OSBPL8: variants seen among roughly 807,000 people sequenced by gnomAD.
OSBPL8 encodes oxysterol binding protein like 8.
In OSBPL8, 59 loss-of-function variants were observed where a neutral mutation model predicts 125.5. The ratio of observed to expected loss-of-function variants is 0.47; its 90% CI spans 0.38 to 0.58. The LOEUF is 0.58. Among genes scored for constraint, OSBPL8 ranks in the 20% least tolerant of loss-of-function variants. The pLI is 0.00. For missense variants in OSBPL8, 758 were observed against 1,047.8 expected, an observed-to-expected ratio of 0.72 and a Z score of 3.82; for synonymous variants, 330 against 338.9, an observed-to-expected ratio of 0.97 and a Z score of 0.29.
intron 6 of OSBPL8, among the ~76,000 whole-genome samples, chr12:76,400,791 CCT>C (rs1491585077): frequency 6.7e-6 from 1 of 149,108 alleles, no homozygotes; most frequent in East Asian, 2.0e-4. Context: ...AATAATTTTA[CCT>C]TTTTTTTTTT....
At chr12:76,395,034 T>C (rs1176134617) in intron 8 of OSBPL8, among the ~76,000 whole-genome samples, 2 of 152,150 alleles carry the variant, frequency 1.3e-5, no homozygotes, top group Admixed American at 6.5e-5. Context: ...TTTAACAATG[T>C]CCATCCCATG....
chr12:76,427,743 T>C (rs927409610), intron 4 of OSBPL8, among the ~76,000 whole-genome samples: 6 of 152,064 alleles, frequency 3.9e-5, no homozygotes, highest in East Asian at 3.8e-4. Flanking sequence ...CATTGCAAGA[T>C]CATCATGATA....
chr12:76,557,820 CA>C (rs1174705506), intron 1 of OSBPL8, among the ~76,000 whole-genome samples: 1 of 152,044 alleles, frequency 6.6e-6, no homozygotes, highest in Non-Finnish European at 1.5e-5. Flanking sequence ...TTATAAAAAA[CA>C]TATTTGACTG....
chr12:76,479,733 T>C (rs538455152), intron 2 of OSBPL8, among the ~76,000 whole-genome samples: 2 of 152,188 alleles, frequency 1.3e-5, no homozygotes, highest in Non-Finnish European at 2.9e-5. Flanking sequence ...AAATTCATAT[T>C]GTAGAAAACT....
At chr12:76,511,087 A>G (rs554545704) in intron 1 of OSBPL8, among the ~76,000 whole-genome samples, 51 of 152,326 alleles carry the variant, frequency 3.3e-4, no homozygotes, top group African/African-American at 1.2e-3. Context: ...ACCAGTACAT[A>G]GGGATATTAA....
At chr12:76,426,854 A>C (rs1870209946) in intron 4 of OSBPL8, among the ~76,000 whole-genome samples, 1 of 152,166 alleles carries the variant, frequency 6.6e-6, no homozygotes, top group African/African-American at 2.4e-5. Flanking sequence ...GAAAAACAAA[A>C]TATTACTAAA....
intron 10 of OSBPL8, 101 bp from the exon 11 acceptor site, chr12:76,390,758 G>C (rs547724012): frequency 3.3e-5 from 24 of 729,340 alleles, no homozygotes; most frequent in Middle Eastern, 3.9e-4. Flanking sequence ...TTTACTATGT[G>C]CCAGACAGTG....
chr12:76,393,536 C>T (rs1031863048), intron 9 of OSBPL8, among the ~76,000 whole-genome samples: 16 of 142,060 alleles, frequency 1.1e-4, no homozygotes, highest in African/African-American at 4.2e-4. Context: ...CAGTGAAACC[C>T]TGTCTCTACT....
At chr12:76,372,513 C>T (rs1217629153) in intron 18 of OSBPL8, among the ~76,000 whole-genome samples, 2 of 151,924 alleles carry the variant, frequency 1.3e-5, no homozygotes, top group Non-Finnish European at 2.9e-5. Flanking sequence ...AAAATGACTG[C>T]TGCTTTATCT....
chr12:76,368,386 C>T (rs1301347716), intron 21 of OSBPL8, among the ~76,000 whole-genome samples: 2 of 152,172 alleles, frequency 1.3e-5, no homozygotes, highest in Non-Finnish European at 2.9e-5. Flanking sequence ...TCTCTGAGAT[C>T]ATCCTACTTG....
intron 4 of OSBPL8, among the ~76,000 whole-genome samples, chr12:76,431,816 C>CT (rs1274041785): frequency 1.3e-5 from 2 of 151,850 alleles, no homozygotes; most frequent in African/African-American, 4.8e-5. Context: ...CAATACTCCA[C>CT]TTTTTTTTAG....
chr12:76,476,608 A>G (rs983521908), intron 2 of OSBPL8, among the ~76,000 whole-genome samples: 1 of 152,192 alleles, frequency 6.6e-6, no homozygotes, highest in African/African-American at 2.4e-5. Context: ...AAGAAAAAAG[A>G]TGGAAAATAT....
chr12:76,495,555 C>T (rs1879184047), intron 1 of OSBPL8, among the ~76,000 whole-genome samples: 1 of 152,106 alleles, frequency 6.6e-6, no homozygotes, highest in Non-Finnish European at 1.5e-5. Context: ...TATAACCAAA[C>T]AAGAATACCA....
Position 76,371,524 on chromosome 12 carries a change from T to A in OSBPL8, c.1978A>T (p.Thr660Ser). 4.3e-6 allele frequency: 7 copies of A among 1,611,392 alleles called. No homozygotes were observed. The highest frequency in any genetic ancestry group is 5.9e-6 in the Non-Finnish European group (7 of 1,178,684). Residue 660 changes from threonine to serine, a missense_variant, in exon 19 of 24, where the codon ACA becomes TCA. Thr to Ser is a moderately conservative substitution (Grantham distance 58, BLOSUM62 1). Coordinates refer to ENST00000261183, the MANE Select transcript of OSBPL8 (RefSeq NM_020841.5). ...TDNSEVFWNP[T>S]PDIKQWRLIR... ...AATCTCCATTGCTTAATGTCAGGTG[T>A]TGGATTCCAGAAAACCTCTGAATTA...
chr12:76,414,587 G>A (rs57961546), intron 4 of OSBPL8, among the ~76,000 whole-genome samples: 2 of 151,226 alleles, frequency 1.3e-5, no homozygotes, highest in African/African-American at 2.4e-5. Context: ...GAGTAGCTGA[G>A]ACAAGAGACA....
intron 19 of OSBPL8, among the ~76,000 whole-genome samples, chr12:76,370,232 T>C (rs1359307152): frequency 6.6e-6 from 1 of 152,212 alleles, no homozygotes; most frequent in Non-Finnish European, 1.5e-5. Context: ...AATGCAGTGC[T>C]TCTGAAGTTT....
chr12:76,394,018 CA>C (rs1302369536), intron 9 of OSBPL8, among the ~76,000 whole-genome samples: 3 of 151,984 alleles, frequency 2.0e-5, no homozygotes, highest in Admixed American at 1.3e-4. Context: ...GACTCCATCT[CA>C]AAAACAAAAA....
At chr12:76,483,457 G>A (rs1877764651) in intron 2 of OSBPL8, among the ~76,000 whole-genome samples, 6 of 150,156 alleles carry the variant, frequency 4.0e-5, no homozygotes, top group African/African-American at 1.5e-4. Flanking sequence ...CCAGCTACTC[G>A]GGAGGCTGAG....
At chr12:76,455,239 T>C (rs1364775317) in intron 3 of OSBPL8, among the ~76,000 whole-genome samples, 1 of 149,464 alleles carries the variant, frequency 6.7e-6, no homozygotes, top group Non-Finnish European at 1.5e-5. Context: ...CGAGACTCTA[T>C]CTAAAAAAAA....
Sources: allele counts gnomAD v4.1 joint callset (sites outside exome capture counted in the v4.1 genomes callset), GRCh38; gene constraint gnomAD v4.1.1; transcripts MANE v1.5; gene names NCBI Gene and HGNC (gene_info 2026-07-23, HGNC 2026-07-21).